RALGAPB: variants seen among roughly 807,000 people sequenced by gnomAD.
RALGAPB encodes Ral GTPase activating protein non-catalytic subunit beta, also known as ral GTPase-activating protein subunit beta.
In RALGAPB, 25 loss-of-function variants were observed where a neutral mutation model predicts 161.1. The ratio of observed to expected loss-of-function variants is 0.16; its 90% CI spans 0.11 to 0.22. The LOEUF (loss-of-function observed/expected upper bound fraction) is 0.22. Ranked by LOEUF, RALGAPB falls within the 10% of genes least tolerant of loss-of-function variation. The pLI is 1.00. For synonymous variants in RALGAPB, 629 were observed against 626.1 expected, an observed-to-expected ratio of 1.00 and a Z score of -0.07; for missense variants, 1,391 against 1,815.2, an observed-to-expected ratio of 0.77 and a Z score of 4.25.
intron 24 of RALGAPB, among the ~76,000 whole-genome samples, chr20:38,564,150 A>G (rs978099609): frequency 2.0e-5 from 3 of 152,234 alleles, no homozygotes; most frequent in African/African-American, 7.2e-5. Flanking sequence ...CTATTGGGAT[A>G]GTAACCACAG....
At chr20:38,559,709 C>T (rs1368148909) in intron 23 of RALGAPB, among the ~76,000 whole-genome samples, 2 of 152,016 alleles carry the variant, frequency 1.3e-5, no homozygotes, top group African/African-American at 2.4e-5. Flanking sequence ...CAAAACAAAA[C>T]AGAAGGACTA....
intron 20 of RALGAPB, among the ~76,000 whole-genome samples, chr20:38,550,357 GAC>G (rs1390302033): frequency 6.6e-6 from 1 of 152,170 alleles, no homozygotes; most frequent in African/African-American, 2.4e-5. Flanking sequence ...GCATTTGAGA[GAC>G]ACCACAAAAT....
At chr20:38,558,947 T>C (rs1210243600) in intron 23 of RALGAPB, among the ~76,000 whole-genome samples, 1 of 152,242 alleles carries the variant, frequency 6.6e-6, no homozygotes, top group African/African-American at 2.4e-5. Flanking sequence ...TTCATTTTCA[T>C]ATACAAAATT....
intron 16 of RALGAPB, among the ~76,000 whole-genome samples, chr20:38,536,684 A>T (rs901931734): frequency 2.0e-5 from 3 of 152,206 alleles, no homozygotes; most frequent in African/African-American, 7.2e-5. Context: ...TATATAATTG[A>T]GGAAATACGT....
intron 13 of RALGAPB, among the ~76,000 whole-genome samples, chr20:38,528,409 T>A (rs1324926832): frequency 1.3e-5 from 2 of 152,050 alleles, no homozygotes; most frequent in Non-Finnish European, 2.9e-5. Flanking sequence ...TCTTGCTCTG[T>A]TGCCCAGGCT....
At chr20:38,495,791 G>C (rs539850837) in intron 3 of RALGAPB, among the ~76,000 whole-genome samples, 10 of 151,804 alleles carry the variant, frequency 6.6e-5, no homozygotes, top group Non-Finnish European at 1.5e-4. Context: ...TTAGAACTTT[G>C]GACCCTGCCT....
rs968174844 is a variant in RALGAPB at position 38,531,302 on chromosome 20, T to A, written c.2115+71T>A. The A allele has an allele frequency of 2.3e-6, 3 of 1,319,858 alleles. No individual in the cohort carries two copies. The East Asian group carries it at 7.0e-5, about 31-fold the overall frequency. 81.8% of individuals were successfully genotyped at this position (1,319,858 alleles called of 1,614,324 possible). A position where few individuals can be genotyped will look rare whatever the true frequency, so the allele number is the denominator to read the frequency against. ...TTCATGTAAATTATATTCCAGAATGTCCATCTTTGTGAATTTTAAAGGCCT... is the reference window on the plus strand; with the variant it reads ...TTCATGTAAATTATATTCCAGAATGACCATCTTTGTGAATTTTAAAGGCCT... On this transcript the variant is annotated intron_variant, in intron 14 of 29. Transcript: ENST00000262879.
At chr20:38,502,784 T>A (rs541076109) in intron 5 of RALGAPB, among the ~76,000 whole-genome samples, 1 of 152,162 alleles carries the variant, frequency 6.6e-6, no homozygotes, top group African/African-American at 2.4e-5. Flanking sequence ...TTAGTATTTT[T>A]AGTAGAGTCA....
chr20:38,509,233 T>A (rs2085861608), intron 6 of RALGAPB, 25 bp downstream of exon 6: 1 of 1,605,486 alleles, frequency 6.2e-7, no homozygotes, highest in South Asian at 1.1e-5. Context: ...TTATTTCATG[T>A]GCCATTTACC....
rs35946110 is a variant in RALGAPB at position 38,530,891 on chromosome 20, A to ATT, written c.2051-262_2051-261dup. On this transcript the variant is annotated intron_variant, in intron 13 of 29. Transcript: ENST00000262879. ...TAGGCATGAACCACTGTGCCTGGCC[A>ATT]TTTTTTTTTTTTTTTAATATTTCTA... Among the ~76,000 whole-genome samples the ATT allele has an allele frequency of 9.4e-3, 1,332 of 141,216 alleles. 16 individuals carry two copies. The highest frequency in any genetic ancestry group is 0.027 in the African/African-American group (1,006 of 37,528). 92.6% of individuals were successfully genotyped at this position (141,216 alleles called of 152,430 possible). A position where few individuals can be genotyped will look rare whatever the true frequency, so the allele number is the denominator to read the frequency against.
intron 1 of RALGAPB, 33 bp downstream of exon 1, chr20:38,473,102 C>T (rs974016514): frequency 5.8e-6 from 2 of 344,616 alleles, no homozygotes; most frequent in Non-Finnish European, 1.0e-5. Context: ...CGCGGCCGGA[C>T]CCTCCCCTCT....
At chr20:38,526,102 T>G in intron 13 of RALGAPB, 60 bp downstream of exon 13, 4 of 1,572,094 alleles carry the variant, frequency 2.5e-6, no homozygotes, top group Non-Finnish European at 3.5e-6. Flanking sequence ...ACAGGCCTGC[T>G]GAGGAGGCGG....
At chr20:38,530,906 T>TTA (rs2086632769) in intron 13 of RALGAPB, among the ~76,000 whole-genome samples, 1 of 151,024 alleles carries the variant, frequency 6.6e-6, no homozygotes, top group African/African-American at 2.4e-5. Context: ...TTTTTTTTTT[T>TTA]AATATTTCTA....
In RALGAPB at chr20:38,577,251, G is replaced by T. The variant is rs2088471287; in HGVS notation, c.*2284G>T. 6.6e-6 allele frequency: 1 copy of T among 152,198 alleles called. No individual in the cohort carries two copies. Among genetic ancestry groups the T allele is most frequent in the Admixed American group, 6.5e-5 (1 of 15,280 alleles). 9.4% of individuals were successfully genotyped at this position (152,198 alleles called of 1,614,324 possible). On this transcript the variant is annotated 3_prime_UTR_variant, in exon 30 of 30. Coordinates refer to ENST00000262879, the MANE Select transcript of RALGAPB (RefSeq NM_020336.4). Reference sequence around the variant, plus strand: ...TTAGCTCTTTCACTAGTATGGATTTGAGTTCATGGTCACTATTTTTACCCA... The same window carrying T: ...TTAGCTCTTTCACTAGTATGGATTTTAGTTCATGGTCACTATTTTTACCCA...
At chr20:38,530,645 G>C (rs983120792) in intron 13 of RALGAPB, among the ~76,000 whole-genome samples, 13 of 148,654 alleles carry the variant, frequency 8.7e-5, no homozygotes, top group African/African-American at 3.2e-4. Context: ...TGTCCAGGCT[G>C]GAGAGCAGTG....
chr20:38,531,840 T>G (rs1396882997), intron 14 of RALGAPB, among the ~76,000 whole-genome samples: 1 of 152,148 alleles, frequency 6.6e-6, no homozygotes, highest in Admixed American at 6.5e-5. Context: ...GGAAATTACA[T>G]TCGTGTCTCA....
intron 13 of RALGAPB, among the ~76,000 whole-genome samples, chr20:38,530,744 A>G (rs2086628109): frequency 6.6e-6 from 1 of 151,410 alleles, no homozygotes; most frequent in African/African-American, 2.4e-5. Flanking sequence ...TTACAGGCGC[A>G]CACCACCATA....
intron 4 of RALGAPB, among the ~76,000 whole-genome samples, chr20:38,497,811 A>C (rs1426637157): frequency 6.6e-6 from 1 of 152,146 alleles, no homozygotes; most frequent in Non-Finnish European, 1.5e-5. Context: ...CGTAGTGGCT[A>C]TAATTCCAGC....
chr20:38,516,710 T>C (rs6100034), intron 7 of RALGAPB: 11,536 of 181,726 alleles, frequency 0.063, 1,453 homozygotes, highest in African/African-American at 0.25. Context: ...GAGTAAATGA[T>C]TGCAAAAGAA....
Sources: allele counts gnomAD v4.1 joint callset (sites outside exome capture counted in the v4.1 genomes callset), GRCh38; gene constraint gnomAD v4.1.1; transcripts MANE v1.5; gene names NCBI Gene and HGNC (gene_info 2026-07-23, HGNC 2026-07-21).